DOCK5: variants seen among roughly 807,000 people sequenced by gnomAD.
DOCK5 encodes the protein dedicator of cytokinesis protein 5.
Under a neutral mutation model 251.8 loss-of-function variants are expected in DOCK5, and 142 were observed. The ratio of observed to expected loss-of-function variants is 0.56; its 90% confidence interval spans 0.49 to 0.65. DOCK5 has a LOEUF of 0.65. Ranked by LOEUF, DOCK5 falls within the 30% of genes least tolerant of loss-of-function variation. The pLI, the probability that DOCK5 is intolerant of heterozygous loss-of-function variation, is 0.00. For synonymous variants in DOCK5, 842 were observed against 835.5 expected (o/e 1.01, Z -0.13); for missense variants, 2,111 against 2,312.3 (o/e 0.91, Z 1.79).
intron 1 of DOCK5, among the ~76,000 whole-genome samples, chr8:25,207,120 G>T (rs1397908698): frequency 6.6e-6 from 1 of 152,174 alleles, no homozygotes; most frequent in Non-Finnish European, 1.5e-5. Flanking sequence ...TTCTATGAAT[G>T]CAGACATACC....
chr8:25,198,928 T>C (rs1280520242), intron 1 of DOCK5, among the ~76,000 whole-genome samples: 1 of 151,944 alleles, frequency 6.6e-6, no homozygotes, highest in African/African-American at 2.4e-5. Flanking sequence ...CAGGTGGAGG[T>C]TTTGTTATAA....
intron 1 of DOCK5, among the ~76,000 whole-genome samples, chr8:25,240,233 G>A (rs1314673761): frequency 6.6e-6 from 1 of 151,146 alleles, no homozygotes; most frequent in Non-Finnish European, 1.5e-5. Context: ...CTGGAAAGAT[G>A]TAGTTCCCTC....
At chr8:25,319,036 T>G (rs1312102180) in intron 14 of DOCK5, among the ~76,000 whole-genome samples, 1 of 152,182 alleles carries the variant, frequency 6.6e-6, no homozygotes, top group African/African-American at 2.4e-5. Flanking sequence ...CGTAGACACC[T>G]TCTCCTGGTT....
At chr8:25,356,603 A>G (rs1160579762) in intron 27 of DOCK5, among the ~76,000 whole-genome samples, 1 of 151,988 alleles carries the variant, frequency 6.6e-6, no homozygotes, top group Admixed American at 6.6e-5. Context: ...AGGGAAGTCG[A>G]GGCTACAGTC....
intron 20 of DOCK5, 78 bp from the exon 21 acceptor site, chr8:25,334,018 G>A (rs369243552): frequency 1.5e-5 from 16 of 1,052,158 alleles, no homozygotes; most frequent in Admixed American, 6.9e-5. Flanking sequence ...AGAAGGCACC[G>A]AGATGTTAAA....
At chr8:25,291,740 C>T (rs1290886314) in intron 5 of DOCK5, among the ~76,000 whole-genome samples, 2 of 148,006 alleles carry the variant, frequency 1.4e-5, no homozygotes, top group Admixed American at 6.8e-5. Flanking sequence ...ATAATCCCAG[C>T]ACTTTGGGAG....
chr8:25,288,205 A>C (rs1452327416), intron 5 of DOCK5, among the ~76,000 whole-genome samples: 1 of 152,044 alleles, frequency 6.6e-6, no homozygotes, highest in Admixed American at 6.6e-5. Flanking sequence ...TCTTTTGGTG[A>C]GTGTTTGGTT....
rs1276966820 is a variant in DOCK5 at position 25,413,642 on chromosome 8, A to T, written c.*2344A>T. The T allele has an allele frequency of 6.6e-6, 1 of 152,276 alleles. No individual in the cohort carries two copies. Among genetic ancestry groups the T allele is most frequent in the African/African-American group, 2.4e-5 (1 of 41,476 alleles). 9.4% of individuals were successfully genotyped at this position (152,276 alleles called of 1,614,324 possible). ...CTCAAGGCTATCCTTCCAGAGCAGT[A>T]GAAATGAGTCCCACAGCCTGGTCTT... On this transcript the variant is annotated 3_prime_UTR_variant, in exon 52 of 52. Coordinates refer to ENST00000276440, the MANE Select transcript of DOCK5 (RefSeq NM_024940.8).
At chr8:25,287,861 G>A (rs1804379037) in intron 5 of DOCK5, among the ~76,000 whole-genome samples, 1 of 151,702 alleles carries the variant, frequency 6.6e-6, no homozygotes, top group Non-Finnish European at 1.5e-5. Context: ...AGAAAATAGA[G>A]CCTCAGAGGA....
In DOCK5 at chr8:25,252,744, T is replaced by C. The variant is rs58799318; in HGVS notation, c.127+8987T>C. On this transcript the variant is annotated intron_variant, in intron 2 of 51. Coordinates refer to ENST00000276440, the MANE Select transcript of DOCK5 (RefSeq NM_024940.8). ...AAAGGAGTGTCAGTGAAAAGTCTTA[T>C]CTCGGATTTAATCTTTAAAAAAAGC... Among the ~76,000 whole-genome samples, 750 of 152,348 alleles carry C rather than the reference T, an allele frequency of 4.9e-3. 6 individuals carry two copies. Among genetic ancestry groups the C allele is most frequent in the African/African-American group, 0.017 (701 of 41,594 alleles).
At chr8:25,256,588 A>G (rs1055476504) in intron 2 of DOCK5, among the ~76,000 whole-genome samples, 3 of 151,314 alleles carry the variant, frequency 2.0e-5, no homozygotes, top group Non-Finnish European at 4.4e-5. Flanking sequence ...GCAGTGAGCC[A>G]ATATTGCACC....
intron 47 of DOCK5, among the ~76,000 whole-genome samples, chr8:25,402,521 C>T (rs1248931889): frequency 2.0e-5 from 3 of 152,110 alleles, no homozygotes; most frequent in Admixed American, 2.0e-4. Context: ...TGGTCTCAAT[C>T]TCCTGACCTT....
chr8:25,395,699 G>T lies in DOCK5; in HGVS notation c.4684G>T (p.Gly1562Cys), dbSNP rs1039204053. Residue 1562 changes from glycine to cysteine, a missense_variant, in exon 45 of 52, where the codon GGC (glycine) becomes TGC (cysteine). By Grantham distance (159) the Gly-to-Cys change is radical. Around this residue, in one of 3 missense-constraint regions of DOCK5, gnomAD observed 1,717 missense variants for 1,892.4 expected, o/e 0.91. Coordinates refer to ENST00000276440, the MANE Select transcript of DOCK5 (RefSeq NM_024940.8). ...CATCGTGGACCCGGCCGTCATGGGG[G>T]GCTTCTCCAACTATGAAAAGGTTCG... ...SGIVDPAVMG[G>C]FSNYEKAFFT... The T allele has an allele frequency of 3.1e-6, 5 of 1,613,550 alleles. No individual in the cohort carries two copies. Among genetic ancestry groups the T allele is most frequent in the Non-Finnish European group, 4.2e-6 (5 of 1,179,814 alleles).
At chr8:25,396,799 T>TCC (rs1801354420) in intron 45 of DOCK5, among the ~76,000 whole-genome samples, 1 of 123,082 alleles carries the variant, frequency 8.1e-6, no homozygotes, top group Non-Finnish European at 1.8e-5. Flanking sequence ...TGTGTGTGTG[T>TCC]CCCGGGAAGA....
intron 2 of DOCK5, among the ~76,000 whole-genome samples, chr8:25,256,638 C>CAAAAAA (rs891243325): frequency 1.8e-4 from 9 of 48,864 alleles, no homozygotes; most frequent in Non-Finnish European, 2.7e-4. Context: ...ATCTCCATCT[C>CAAAAAA]AAAAAAAAAA....
chr8:25,297,006 G>A (rs1361213532), intron 7 of DOCK5, among the ~76,000 whole-genome samples: 1 of 152,150 alleles, frequency 6.6e-6, no homozygotes, highest in African/African-American at 2.4e-5. Context: ...GGAAAACGGG[G>A]TGGGAGGGAG....
At chr8:25,384,344 G>T (rs1044384556) in intron 40 of DOCK5, among the ~76,000 whole-genome samples, 2 of 151,922 alleles carry the variant, frequency 1.3e-5, no homozygotes, top group African/African-American at 2.4e-5. Flanking sequence ...CTTGATTGTG[G>T]TCCTGGTTAT....
intron 6 of DOCK5, among the ~76,000 whole-genome samples, chr8:25,295,969 G>A (rs1009938776): frequency 3.3e-5 from 5 of 151,964 alleles, no homozygotes; most frequent in African/African-American, 1.2e-4. Context: ...ACAGGCGTGT[G>A]CTACTACACC....
chr8:25,277,269 A>G (rs1804065132), intron 4 of DOCK5: 1 of 153,270 alleles, frequency 6.5e-6, no homozygotes, highest in Non-Finnish European at 1.5e-5. Flanking sequence ...TCATAGTTAA[A>G]TGAGAACAGT....
Sources: gnomAD v4.1 joint callset for allele counts (sites outside exome capture counted in the v4.1 genomes callset) on GRCh38, gnomAD v4.1.1 for gene constraint, gnomAD v4.1.1 regional missense constraint, MANE v1.5 for transcripts, NCBI Gene and HGNC (gene_info 2026-07-23, HGNC 2026-07-21) for gene names.